SYT17: variants seen among roughly 807,000 people sequenced by gnomAD.
SYT17 encodes the protein synaptotagmin 17.
SYT17 carries 22 observed loss-of-function variants against 46.7 expected under a neutral mutation model. The ratio of observed to expected loss-of-function variants is 0.47; its 90% confidence interval spans 0.34 to 0.67. SYT17 has a LOEUF of 0.67. Among genes scored for constraint, SYT17 ranks in the 30% least tolerant of loss-of-function variants. The pLI, the probability that SYT17 is intolerant of heterozygous loss-of-function variation, is 0.01. For missense variants in SYT17, 519 were observed against 612.8 expected (o/e 0.85, Z 1.62); for synonymous variants, 251 against 248.4 (o/e 1.01, Z -0.10).
At chr16:19,215,470 G>C (rs529062441) in intron 5 of SYT17, among the ~76,000 whole-genome samples, 1 of 152,126 alleles carries the variant, frequency 6.6e-6, no homozygotes, top group Non-Finnish European at 1.5e-5. Context: ...CAGTTGCCAA[G>C]GATCTATCAT....
At chr16:19,254,469 G>C (rs1968415380) in intron 7 of SYT17, among the ~76,000 whole-genome samples, 2 of 152,046 alleles carry the variant, frequency 1.3e-5, no homozygotes, top group African/African-American at 4.8e-5. Flanking sequence ...GGTAAAGCTG[G>C]GCACTGACGG....
chr16:19,176,583 A>C (rs183640582), intron 3 of SYT17, among the ~76,000 whole-genome samples: 64 of 152,354 alleles, frequency 4.2e-4, no homozygotes, highest in Non-Finnish European at 8.4e-4. Context: ...CTTCATTTAC[A>C]AAATCAGGCA....
At chr16:19,180,066 G>A (rs13336280) in intron 3 of SYT17, 26,061 of 282,990 alleles carry the variant, frequency 0.092, 1,241 homozygotes, top group Admixed American at 0.11. Flanking sequence ...ACAGGTCTCG[G>A]GCTTCACTGA....
chr16:19,242,429 G>T (rs1967200254), intron 7 of SYT17, among the ~76,000 whole-genome samples: 1 of 152,212 alleles, frequency 6.6e-6, no homozygotes, highest in African/African-American at 2.4e-5. Flanking sequence ...AAGCCAGAGT[G>T]TCCAAAACAG....
intron 7 of SYT17, among the ~76,000 whole-genome samples, chr16:19,246,212 G>A (rs1174645328): frequency 2.0e-5 from 3 of 151,922 alleles, no homozygotes; most frequent in African/African-American, 7.3e-5. Flanking sequence ...GGCTGGTCTC[G>A]AACTCTTGGC....
At chr16:19,181,236 G>A (rs1964544872) in intron 4 of SYT17, among the ~76,000 whole-genome samples, 1 of 152,194 alleles carries the variant, frequency 6.6e-6, no homozygotes, top group Admixed American at 6.5e-5. Flanking sequence ...TGTCCACTCT[G>A]TTGTGTGGCG....
chr16:19,235,017 A>T (rs952354973), intron 7 of SYT17, among the ~76,000 whole-genome samples: 8 of 152,108 alleles, frequency 5.3e-5, no homozygotes, highest in Non-Finnish European at 8.8e-5. Flanking sequence ...TGCTCCCTGA[A>T]GTTTCTTGGG....
At position 19,262,102 on chromosome 16, in the gene SYT17, GGAAAAACT is replaced by G. The variant is rs573438012; in HGVS notation, c.1229-4776_1229-4769del. On this transcript the variant is annotated intron_variant, in intron 7 of 7. Coordinates refer to ENST00000355377, the MANE Select transcript of SYT17 (RefSeq NM_016524.4). ...GGTCCAATGATTCACCACAGAACTT[GGAAAAACT>G]GTTATTCTCATGGTTACAGTTTATT... Among the ~76,000 whole-genome samples the G allele has an allele frequency of 1.6e-3, 244 of 152,252 alleles. 2 individuals carry two copies. The highest frequency in any genetic ancestry group is 5.1e-3 in the African/African-American group (213 of 41,552).
chr16:19,190,918 T>A (rs528700686), intron 5 of SYT17, among the ~76,000 whole-genome samples: 26 of 152,108 alleles, frequency 1.7e-4, no homozygotes, highest in African/African-American at 6.0e-4. Flanking sequence ...GCTATGAACA[T>A]GGGTGTGCAG....
intron 3 of SYT17, among the ~76,000 whole-genome samples, chr16:19,177,704 C>T (rs1279245541): frequency 6.6e-6 from 1 of 152,194 alleles, no homozygotes; most frequent in Non-Finnish European, 1.5e-5. Context: ...CACATATGCT[C>T]ATGTCCTGTG....
intron 3 of SYT17, among the ~76,000 whole-genome samples, chr16:19,175,644 T>TAA (rs1440387129): frequency 2.0e-5 from 1 of 49,694 alleles, no homozygotes; most frequent in African/African-American, 9.0e-5. Flanking sequence ...GAGCAAGACT[T>TAA]CAAAAAAAAA....
chr16:19,231,614 C>T (rs1341803871), intron 7 of SYT17, among the ~76,000 whole-genome samples: 3 of 148,066 alleles, frequency 2.0e-5, no homozygotes, highest in East Asian at 2.0e-4. Context: ...GCTAAGGAAG[C>T]GTTTCCAAAG....
chr16:19,252,065 C>T (rs1414954060), intron 7 of SYT17, among the ~76,000 whole-genome samples: 1 of 151,692 alleles, frequency 6.6e-6, no homozygotes, highest in East Asian at 2.0e-4. Context: ...CAAAAATTAG[C>T]TGGAGGTGCT....
intron 5 of SYT17, among the ~76,000 whole-genome samples, chr16:19,208,202 C>T (rs1965745845): frequency 6.6e-6 from 1 of 152,156 alleles, no homozygotes; most frequent in Admixed American, 6.5e-5. Context: ...GATACGTTTG[C>T]TATACACATA....
intron 7 of SYT17, among the ~76,000 whole-genome samples, chr16:19,237,919 G>A (rs185075776): frequency 6.6e-6 from 1 of 152,352 alleles, no homozygotes; most frequent in Admixed American, 6.5e-5. Flanking sequence ...AAATATCAGT[G>A]GGGAGATCAA....
intron 1 of SYT17, chr16:19,172,524 T>C: frequency 1.3e-6 from 2 of 1,495,680 alleles, no homozygotes; most frequent in Non-Finnish European, 1.8e-6. Context: ...TTCCCATTTA[T>C]TTGGTGTTGG....
chr16:19,218,191 A>G (rs1966167839), intron 5 of SYT17, among the ~76,000 whole-genome samples: 1 of 152,252 alleles, frequency 6.6e-6, no homozygotes, highest in Non-Finnish European at 1.5e-5. Flanking sequence ...GGTTTGCTGT[A>G]ACAATCATAA....
chr16:19,231,523 C>CAAAAAAAAAAAAAAAAAAAAAAAA (rs143448107), intron 7 of SYT17, among the ~76,000 whole-genome samples: 1 of 45,852 alleles, frequency 2.2e-5, no homozygotes, highest in Non-Finnish European at 4.1e-5. Flanking sequence ...AACTCCATCA[C>CAAAAAAAAAAAAAAAAAAAAAAAA]AAAAAAAAAA....
chr16:19,245,207 G>A (rs76913098), intron 7 of SYT17, among the ~76,000 whole-genome samples: 1,641 of 152,246 alleles, frequency 0.011, 25 homozygotes, highest in African/African-American at 0.037. Flanking sequence ...TCTCAACCTG[G>A]GGTGACATTG....
Sources: allele counts gnomAD v4.1 joint callset (sites outside exome capture counted in the v4.1 genomes callset), GRCh38; gene constraint gnomAD v4.1.1; transcripts MANE v1.5; gene names NCBI Gene and HGNC (gene_info 2026-07-23, HGNC 2026-07-21).